Variants in AIFM3 observed in about 807,000 individuals in gnomAD.
AIFM3 encodes AIF family member 3.
AIFM3 carries 71 observed loss-of-function variants against 82.7 expected under a neutral mutation model. The observed-to-expected ratio is 0.86, with a 90% confidence interval of 0.71 to 1.05. The LOEUF (loss-of-function observed/expected upper bound fraction) is 1.05, where lower values mean the gene tolerates loss of function less well. Among genes scored for constraint, AIFM3 ranks in the 50% least tolerant of loss-of-function variants. AIFM3 has a pLI of 0.00. For missense variants in AIFM3, 748 were observed against 816.7 expected (o/e 0.92, Z 1.03); for synonymous variants, 337 against 329.1 (o/e 1.02, Z -0.26).
intron 17 of AIFM3, 120 bp from the exon 18 acceptor site, chr22:20,979,507 G>T: frequency 6.8e-7 from 1 of 1,479,544 alleles, no homozygotes; most frequent in South Asian, 1.2e-5. Context: ...TGGCGGCAAG[G>T]CTACGAACTA....
At chr22:20,971,720 T>C (rs1923278169) in intron 2 of AIFM3, among the ~76,000 whole-genome samples, 1 of 152,212 alleles carries the variant, frequency 6.6e-6, no homozygotes, top group Non-Finnish European at 1.5e-5. Context: ...ATCGGGCCCA[T>C]GCTGTGCCAG....
At chr22:20,975,932 C>G (rs961880216) in intron 9 of AIFM3, among the ~76,000 whole-genome samples, 154 bp downstream of exon 9, 4 of 152,204 alleles carry the variant, frequency 2.6e-5, no homozygotes, top group Non-Finnish European at 5.9e-5. Flanking sequence ...CAGCAAGGAG[C>G]TTTTTCCTGA....
At position 20,974,813 on chromosome 22, in the gene AIFM3, C is replaced by G. The variant is rs1923529064; in HGVS notation, c.717C>G (p.Ser239Arg). The G allele has an allele frequency of 1.2e-6, 2 of 1,612,266 alleles. No individual in the cohort carries two copies. Reference protein sequence around the residue: ...RHLPYDRPKLSKSLDTQPEQL... With the variant: ...RHLPYDRPKLRKSLDTQPEQL... ...TTCCCTACGACCGTCCCAAGCTCAG[C>G]AAGGTACAGGGGGTGGGGCAAGTAG... The change falls in exon 8 of 21, where the codon AGC becomes AGG. Residue 239 changes from serine (S) to arginine (R), a missense_variant. Physicochemically the swap from Ser to Arg is moderately radical, Grantham distance 110. Transcript: ENST00000440238.
intron 14 of AIFM3, 169 bp downstream of exon 14, chr22:20,977,264 T>G: frequency 1.0e-6 from 1 of 972,392 alleles, no homozygotes; most frequent in Non-Finnish European, 1.5e-6. Flanking sequence ...GGAAGGTATG[T>G]ACTGGGCTCA....
At chr22:20,976,136 G>A in intron 9 of AIFM3, 79 bp from the exon 10 acceptor site, 3 of 1,481,136 alleles carry the variant, frequency 2.0e-6, no homozygotes, top group Non-Finnish European at 2.8e-6. Context: ...TGGGCTGTGG[G>A]TGTACTGCAG....
intron 2 of AIFM3, among the ~76,000 whole-genome samples, chr22:20,970,184 A>T (rs567970238): frequency 3.5e-4 from 53 of 152,196 alleles, no homozygotes; most frequent in Non-Finnish European, 3.8e-4. Flanking sequence ...CTGGTAAAAC[A>T]CTGCTGCCCA....
Position 20,979,358 on chromosome 22 carries a change from T to C in AIFM3, c.1565T>C (p.Leu522Pro). 6.8e-7 allele frequency: 1 copy of C among 1,471,506 alleles called. No individual in the cohort carries two copies. Among genetic ancestry groups the C allele is most frequent in the Non-Finnish European group, 9.1e-7 (1 of 1,101,694 alleles). 91.2% of individuals were successfully genotyped at this position (1,471,506 alleles called of 1,614,324 possible). A position where few individuals can be genotyped will look rare whatever the true frequency, so the allele number is the denominator to read the frequency against. Residue 522 changes from leucine (L) to proline (P), a missense_variant, in exon 17 of 21, where the codon CTG becomes CCG. Around this residue, in one of 5 missense-constraint regions of AIFM3, gnomAD observed 183 missense variants for 158.2 expected, o/e 1.16. Coordinates refer to ENST00000440238, the MANE Select transcript of AIFM3 (RefSeq NM_001386814.1). ...TGGACCGCCATGTTTGGCAAGAGCCTGCGCTACGCGGGTAACCCCGGGGCC... is the reference window on the plus strand; with the variant it reads ...TGGACCGCCATGTTTGGCAAGAGCCCGCGCTACGCGGGTAACCCCGGGGCC... Reference protein sequence around the residue: ...YLWTAMFGKSLRYAGYGEGFD... With the variant: ...YLWTAMFGKSPRYAGYGEGFD...
chr22:20,975,631 C>T (rs1038764113), intron 8 of AIFM3, 61 bp from the exon 9 acceptor site: 6 of 1,559,620 alleles, frequency 3.8e-6, no homozygotes, highest in African/African-American at 2.7e-5. Context: ...GCCCCACCTT[C>T]CCTGGGCCCC....
At chr22:20,979,390 G>C in intron 17 of AIFM3, 21 bp downstream of exon 17, 1 of 1,548,922 alleles carries the variant, frequency 6.5e-7, no homozygotes, top group Non-Finnish European at 8.7e-7. Context: ...GGCCTCGGAT[G>C]GGGGCGGGGC....
chr22:20,967,739 C>T, intron 1 of AIFM3, 66 bp from the exon 2 acceptor site: 1 of 602,168 alleles, frequency 1.7e-6, no homozygotes, highest in African/African-American at 1.9e-5. Context: ...CACTGTCTCT[C>T]TCCGTCCCTC....
chr22:20,977,304 G>A, intron 14 of AIFM3: 1 of 656,014 alleles, frequency 1.5e-6, no homozygotes, highest in Non-Finnish European at 2.6e-6. Flanking sequence ...GATGCTCCCA[G>A]TGCCCGCTGC....
At chr22:20,969,359 G>A (rs111277163) in intron 2 of AIFM3, among the ~76,000 whole-genome samples, 1 of 152,248 alleles carries the variant, frequency 6.6e-6, no homozygotes, top group Non-Finnish European at 1.5e-5. Context: ...TCCCCTCTCT[G>A]AGCCTCTGCA....
chr22:20,973,907 G>A (rs372949879), intron 4 of AIFM3, 40 bp downstream of exon 4: 31 of 1,486,044 alleles, frequency 2.1e-5, no homozygotes, highest in Non-Finnish European at 2.7e-5. Flanking sequence ...GACCTTCCAG[G>A]CCCCATGCCA....
rs377284602 is a variant in AIFM3 at position 20,976,457 on chromosome 22, A to C, written c.949A>C (p.Ile317Leu). The C allele has an allele frequency of 1.1e-4, 180 of 1,614,092 alleles. No homozygotes were observed. In the South Asian group the frequency reaches 1.6e-3, roughly 14 times the overall value. ...CAAAGAAGTGGAGAACGTGTTCACTATCCGGACGCCAGAGGATGCCAATCG... is the reference window on the plus strand; with the variant it reads ...CAAAGAAGTGGAGAACGTGTTCACTCTCCGGACGCCAGAGGATGCCAATCG... ...KGKEVENVFT[I>L]RTPEDANRVV... The change falls in exon 11 of 21, where the codon ATC (isoleucine) becomes CTC (leucine). Residue 317 changes from isoleucine (I) to leucine (L), a missense_variant. This residue lies in a region of AIFM3 where 393 missense variants were observed against 481.1 expected (regional missense o/e 0.82). Coordinates refer to ENST00000440238, the MANE Select transcript of AIFM3 (RefSeq NM_001386814.1).
chr22:20,970,401 C>T (rs911699984), intron 2 of AIFM3, among the ~76,000 whole-genome samples: 8 of 152,184 alleles, frequency 5.3e-5, no homozygotes, highest in African/African-American at 1.9e-4. Flanking sequence ...ATCCTCCCAC[C>T]TCCTGAGTAG....
intron 6 of AIFM3, 85 bp from the exon 7 acceptor site, chr22:20,974,440 G>T: frequency 6.4e-7 from 1 of 1,561,432 alleles, no homozygotes; most frequent in South Asian, 1.2e-5. Context: ...TAGGGATGAG[G>T]CTGGGCTGGA....
intron 10 of AIFM3, 30 bp downstream of exon 10, chr22:20,976,336 CA>C (rs774599447): frequency 1.1e-5 from 18 of 1,613,764 alleles, no homozygotes; most frequent in Non-Finnish European, 1.5e-5. Flanking sequence ...ACCCATCGGA[CA>C]CTAGGCAGGG....
At chr22:20,977,320 A>C in intron 14 of AIFM3, 1 of 628,214 alleles carries the variant, frequency 1.6e-6, no homozygotes, top group Non-Finnish European at 2.8e-6. Flanking sequence ...GCTGCCCAGT[A>C]ACACTCATCT....
chr22:20,975,282 CAG>C (rs1230303201), intron 8 of AIFM3, among the ~76,000 whole-genome samples: 5 of 149,882 alleles, frequency 3.3e-5, no homozygotes, highest in Non-Finnish European at 5.9e-5. Flanking sequence ...TTTTTTGAGA[CAG>C]AGTCTTGCTC....
Sources: allele counts gnomAD v4.1 joint callset (sites outside exome capture counted in the v4.1 genomes callset), GRCh38; gene constraint gnomAD v4.1.1; regional missense constraint gnomAD v4.1.1; transcripts MANE v1.5; gene names NCBI Gene and HGNC (gene_info 2026-07-23, HGNC 2026-07-21).